The following ASTN1 variants were observed in gnomAD, a reference collection of about 807,000 sequenced individuals.
ASTN1 encodes the protein astrotactin-1.
ASTN1 carries 41 observed loss-of-function variants against 140.7 expected under a neutral mutation model. The observed-to-expected ratio is 0.29, with a 90% CI of 0.23 to 0.38. The LOEUF (loss-of-function observed/expected upper bound fraction) is 0.38, where lower values mean the gene tolerates loss of function less well. Among genes scored for constraint, ASTN1 ranks in the 10% least tolerant of loss-of-function variants. ASTN1 has a pLI of 1.00. For synonymous variants in ASTN1, 640 were observed against 652.2 expected, an observed-to-expected ratio of 0.98 and a Z score of 0.29; for missense variants, 1,479 against 1,678.8, an observed-to-expected ratio of 0.88 and a Z score of 2.08.
At chr1:177,091,859 C>T (rs544273934) in intron 1 of ASTN1, among the ~76,000 whole-genome samples, 8 of 152,170 alleles carry the variant, frequency 5.3e-5, no homozygotes, top group Admixed American at 2.6e-4. Flanking sequence ...TAGCACGTAT[C>T]GGCACTTCAC....
chr1:176,947,240 G>C (rs905433954), intron 12 of ASTN1, among the ~76,000 whole-genome samples: 2 of 152,050 alleles, frequency 1.3e-5, no homozygotes, highest in Admixed American at 6.5e-5. Context: ...TGAGAAGATT[G>C]AGAGACTGCA....
At chr1:176,925,812 CTT>C (rs10658674) in intron 16 of ASTN1, among the ~76,000 whole-genome samples, 4 of 142,500 alleles carry the variant, frequency 2.8e-5, no homozygotes, top group East Asian at 4.1e-4. Context: ...TAAAGGCATT[CTT>C]TTTTTTTTTT....
intron 1 of ASTN1, among the ~76,000 whole-genome samples, chr1:177,115,941 A>G (rs1302816848): frequency 6.6e-6 from 1 of 152,180 alleles, no homozygotes; most frequent in Non-Finnish European, 1.5e-5. Context: ...TGAACACTTT[A>G]TTGGATTTCC....
chr1:177,048,950 T>G (rs762990383), intron 2 of ASTN1, among the ~76,000 whole-genome samples: 17 of 152,196 alleles, frequency 1.1e-4, no homozygotes, highest in Non-Finnish European at 2.1e-4. Flanking sequence ...GGGGATGTGA[T>G]AGCTCCCTCC....
intron 1 of ASTN1, among the ~76,000 whole-genome samples, chr1:177,100,395 C>G (rs1173757678): frequency 6.6e-6 from 1 of 152,110 alleles, no homozygotes; most frequent in East Asian, 1.9e-4. Context: ...AGCTCCTAGT[C>G]ATACATTTCC....
At chr1:177,029,772 G>T (rs746916891) in intron 4 of ASTN1, 31 bp from the exon 5 acceptor site, 27 of 1,580,620 alleles carry the variant, frequency 1.7e-5, no homozygotes, top group Non-Finnish European at 2.2e-5. Context: ...TCAAGAAAGC[G>T]TTTTCAGTTC....
At chr1:177,157,536 A>C (rs1175778216) in intron 1 of ASTN1, among the ~76,000 whole-genome samples, 3 of 152,014 alleles carry the variant, frequency 2.0e-5, no homozygotes, top group Admixed American at 2.0e-4. Context: ...GCCTGTCTCA[A>C]ACTCCCAAGC....
At chr1:177,137,295 A>G (rs983420870) in intron 1 of ASTN1, among the ~76,000 whole-genome samples, 3 of 152,238 alleles carry the variant, frequency 2.0e-5, no homozygotes, top group Non-Finnish European at 4.4e-5. Context: ...TAATTGGAAC[A>G]GGCCATGTCT....
At chr1:176,914,547 T>C (rs1253671231) in intron 16 of ASTN1, among the ~76,000 whole-genome samples, 1 of 152,206 alleles carries the variant, frequency 6.6e-6, no homozygotes, top group Non-Finnish European at 1.5e-5. Context: ...TCATACCGCA[T>C]GGGGTCCTGA....
At chr1:177,077,775 T>G (rs1678986957) in intron 1 of ASTN1, among the ~76,000 whole-genome samples, 1 of 152,136 alleles carries the variant, frequency 6.6e-6, no homozygotes, top group Non-Finnish European at 1.5e-5. Flanking sequence ...GCCTCCTCCT[T>G]TAAAAGCCAG....
chr1:177,136,274 C>T (rs998279620), intron 1 of ASTN1, among the ~76,000 whole-genome samples: 3 of 152,168 alleles, frequency 2.0e-5, no homozygotes, highest in Non-Finnish European at 4.4e-5. Flanking sequence ...GACTAAATAT[C>T]CCAATAGAAT....
intron 8 of ASTN1, among the ~76,000 whole-genome samples, chr1:176,990,686 A>G (rs1674116728): frequency 6.6e-6 from 1 of 152,142 alleles, no homozygotes; most frequent in African/African-American, 2.4e-5. Flanking sequence ...AACCTAGGTA[A>G]TCCCCCCAGA....
At chr1:177,040,953 T>C (rs1215538967) in intron 2 of ASTN1, among the ~76,000 whole-genome samples, 1 of 152,184 alleles carries the variant, frequency 6.6e-6, no homozygotes, top group Non-Finnish European at 1.5e-5. Flanking sequence ...GATTTTTTTC[T>C]TGCCTCAGAC....
chr1:177,136,506 C>G (rs184974274), intron 1 of ASTN1, among the ~76,000 whole-genome samples: 5 of 152,160 alleles, frequency 3.3e-5, no homozygotes, highest in Admixed American at 2.6e-4. Flanking sequence ...GTGCACCCCA[C>G]AACCGCCCAG....
intron 8 of ASTN1, among the ~76,000 whole-genome samples, chr1:176,986,899 C>T (rs1303030672): frequency 6.6e-6 from 1 of 152,134 alleles, no homozygotes; most frequent in Non-Finnish European, 1.5e-5. Context: ...TGTTATTATT[C>T]TCATCATCAC....
chr1:176,899,810 C>G (rs1401161488), intron 16 of ASTN1, among the ~76,000 whole-genome samples: 1 of 152,130 alleles, frequency 6.6e-6, no homozygotes, highest in Non-Finnish European at 1.5e-5. Context: ...ACAGAGAGAT[C>G]ACTATGGACT....
At chr1:176,945,647 C>A (rs776929060) in intron 13 of ASTN1, among the ~76,000 whole-genome samples, 6 of 152,200 alleles carry the variant, frequency 3.9e-5, no homozygotes, top group Non-Finnish European at 8.8e-5. Flanking sequence ...GGAGCTTGAG[C>A]ATTTTCGTGT....
At chr1:176,945,175 G>A (rs187640468) in intron 13 of ASTN1, among the ~76,000 whole-genome samples, 4 of 152,086 alleles carry the variant, frequency 2.6e-5, no homozygotes, top group Admixed American at 2.0e-4. Flanking sequence ...TAAATCAATG[G>A]TTTGAAACAT....
chr1:177,136,702 A>G (rs148218451), intron 1 of ASTN1, among the ~76,000 whole-genome samples: 1,675 of 152,186 alleles, frequency 0.011, 29 homozygotes, highest in African/African-American at 0.039. Flanking sequence ...GTGCTCTTAT[A>G]AGATGGCACA....
Sources: gnomAD v4.1 joint callset for allele counts (sites outside exome capture counted in the v4.1 genomes callset) on GRCh38, gnomAD v4.1.1 for gene constraint, MANE v1.5 for transcripts, NCBI Gene and HGNC (gene_info 2026-07-23, HGNC 2026-07-21) for gene names.